The following TFEC variants were observed in gnomAD, a reference collection of about 807,000 sequenced individuals.
TFEC encodes transcription factor EC, also known as class E basic helix-loop-helix protein 34.
Under a neutral mutation model 41.6 loss-of-function variants are expected in TFEC, and 31 were observed. The observed-to-expected ratio is 0.74, with a 90% CI of 0.56 to 1.01. The LOEUF (loss-of-function observed/expected upper bound fraction) is 1.01, where lower values mean the gene tolerates loss of function less well. TFEC is among the 50% of genes least tolerant of loss of function. The pLI, the probability that TFEC is intolerant of heterozygous loss-of-function variation, is 0.00. For missense variants in TFEC, 402 were observed against 404.1 expected, an observed-to-expected ratio of 0.99 and a Z score of 0.04; for synonymous variants, 143 against 140.6, an observed-to-expected ratio of 1.02 and a Z score of -0.12.
At chr7:115,974,061 G>C (rs1584618313) in intron 3 of TFEC, 109 bp downstream of exon 3, 1 of 790,642 alleles carries the variant, frequency 1.3e-6, no homozygotes, top group South Asian at 1.8e-5. Flanking sequence ...CTTTTATCTT[G>C]TCTGTTTAAA....
At chr7:116,097,133 A>G (rs1797484182) in intron 3 of TFEC, among the ~76,000 whole-genome samples, 1 of 152,066 alleles carries the variant, frequency 6.6e-6, no homozygotes, top group South Asian at 2.1e-4. Context: ...AGTGGGCAGG[A>G]TAAAAGAATC....
chr7:116,114,947 C>T (rs1456155116), intron 1 of TFEC, among the ~76,000 whole-genome samples: 4 of 151,760 alleles, frequency 2.6e-5, no homozygotes, highest in Admixed American at 6.6e-5. Context: ...AGAATGAAGA[C>T]AAAGACATCA....
chr7:116,071,780 T>G (rs1215646756), intron 3 of TFEC, among the ~76,000 whole-genome samples: 1 of 151,470 alleles, frequency 6.6e-6, no homozygotes, highest in South Asian at 2.1e-4. Context: ...TTCATTAGAA[T>G]GCCTCCCTGC....
Position 115,940,844 on chromosome 7 carries a change from G to A in TFEC, c.751C>T (p.Gln251Ter). 2 of 1,613,440 alleles carry A rather than the reference G, an allele frequency of 1.2e-6. No individual in the cohort carries two copies. Among genetic ancestry groups the A allele is most frequent in the Non-Finnish European group, 8.5e-7 (1 of 1,179,574 alleles). The stretch of plus-strand genomic sequence containing the variant: ...ACTGAATTCTGCTCAGGATGGCTCT[G>A]CTGTTTGGTGACATGAGCACCTAAA... Reference protein sequence around the residue: ...VDLGAHVTKQQSHPEQNSVDY... With the variant: ...VDLGAHVTKQ Residue 251 changes from glutamine (Q) to a stop codon, truncating the protein, a stop_gained, in exon 8 of 8, where the codon CAG becomes TAG. Transcript: ENST00000265440. LOFTEE classifies it high-confidence loss of function.
chr7:115,959,825 T>C (rs962036922), intron 3 of TFEC, among the ~76,000 whole-genome samples: 10 of 151,058 alleles, frequency 6.6e-5, no homozygotes, highest in African/African-American at 2.4e-4. Context: ...GACTAAGAAA[T>C]AGAACATATG....
At chr7:116,067,648 T>TGTTA (rs1272422682) in intron 3 of TFEC, among the ~76,000 whole-genome samples, 1 of 151,998 alleles carries the variant, frequency 6.6e-6, no homozygotes, top group Non-Finnish European at 1.5e-5. Context: ...TGCATTTACT[T>TGTTA]GTTAATTTAG....
At chr7:115,950,745 C>CA in intron 6 of TFEC, 129 bp downstream of exon 6, 1 of 600,648 alleles carries the variant, frequency 1.7e-6, no homozygotes, top group South Asian at 2.8e-5. Flanking sequence ...ATGAGCCCAG[C>CA]AATAGCCTTA....
At chr7:116,019,907 T>C (rs1164123995) in intron 1 of TFEC, among the ~76,000 whole-genome samples, 1 of 152,220 alleles carries the variant, frequency 6.6e-6, no homozygotes, top group Admixed American at 6.5e-5. Context: ...TTGCTTAATC[T>C]AAAAATCAAA....
chr7:116,145,701 C>T (rs1195751456), intron 1 of TFEC, among the ~76,000 whole-genome samples: 1 of 152,196 alleles, frequency 6.6e-6, no homozygotes, highest in Non-Finnish European at 1.5e-5. Context: ...TTTGGATTAA[C>T]TTAGGTCCAG....
chr7:116,118,750 A>G (rs1238793954), intron 1 of TFEC, among the ~76,000 whole-genome samples: 18 of 151,868 alleles, frequency 1.2e-4, no homozygotes, highest in Admixed American at 1.1e-3. Context: ...AGTAGGAGAT[A>G]TTTAATTTAG....
intron 2 of TFEC, among the ~76,000 whole-genome samples, chr7:115,976,037 T>C (rs1469220617): frequency 6.6e-6 from 1 of 152,206 alleles, no homozygotes; most frequent in South Asian, 2.1e-4. Flanking sequence ...TAGTAATAAC[T>C]AACCACATGC....
intron 3 of TFEC, among the ~76,000 whole-genome samples, chr7:116,088,200 CTTCT>C (rs1043790644): frequency 3.0e-4 from 45 of 152,070 alleles, no homozygotes; most frequent in African/African-American, 1.1e-3. Flanking sequence ...ATTCTCTAAC[CTTCT>C]CAAAGAGTGG....
At chr7:115,993,283 T>C (rs1397582683) in intron 1 of TFEC, among the ~76,000 whole-genome samples, 1 of 152,230 alleles carries the variant, frequency 6.6e-6, no homozygotes, top group African/African-American at 2.4e-5. Context: ...AGCATTCCCT[T>C]TGAAAACTGG....
At chr7:116,054,062 G>T (rs1036694173) in intron 3 of TFEC, among the ~76,000 whole-genome samples, 1 of 152,182 alleles carries the variant, frequency 6.6e-6, no homozygotes, top group African/African-American at 2.4e-5. Flanking sequence ...TGAAGGCAGG[G>T]AAATGCTTTT....
At chr7:116,029,711 T>C (rs889748185) in intron 1 of TFEC, among the ~76,000 whole-genome samples, 8 of 151,974 alleles carry the variant, frequency 5.3e-5, no homozygotes, top group African/African-American at 1.7e-4. Flanking sequence ...TATATATATG[T>C]ATGTACATGT....
intron 3 of TFEC, among the ~76,000 whole-genome samples, chr7:116,049,411 A>C (rs925403399): frequency 2.0e-5 from 3 of 152,218 alleles, no homozygotes; most frequent in African/African-American, 7.2e-5. Flanking sequence ...AAAGGGATCA[A>C]TTCAACAAGA....
At chr7:116,031,114 T>G (rs937090021), upstream of TFEC, among the ~76,000 whole-genome samples, 1 of 152,188 alleles carries the variant, frequency 6.6e-6, no homozygotes, top group African/African-American at 2.4e-5. Context: ...ACAATGAACA[T>G]TTCTTCAACA....
At chr7:115,981,056 A>G (rs12667121) in intron 2 of TFEC, among the ~76,000 whole-genome samples, 17,653 of 152,036 alleles carry the variant, frequency 0.12, 1,463 homozygotes, top group East Asian at 0.38. Context: ...TGCAGATCTA[A>G]TTGATACAGT....
chr7:115,975,609 C>T (rs1363749120), intron 2 of TFEC, among the ~76,000 whole-genome samples: 1 of 152,156 alleles, frequency 6.6e-6, no homozygotes, highest in African/African-American at 2.4e-5. Context: ...GCAGGAAATT[C>T]TTCCTCTTAT....
Sources: allele counts gnomAD v4.1 joint callset (sites outside exome capture counted in the v4.1 genomes callset), GRCh38; gene constraint gnomAD v4.1.1; transcripts MANE v1.5; gene names NCBI Gene and HGNC (gene_info 2026-07-23, HGNC 2026-07-21).